The following ZNF562 variants were observed in gnomAD, a reference collection of about 807,000 sequenced individuals.
ZNF562 encodes the protein zinc finger protein 562.
In ZNF562, 13 loss-of-function variants were observed where a neutral mutation model predicts 17.5. The observed-to-expected ratio is 0.74, with a 90% CI of 0.48 to 1.18. The LOEUF (loss-of-function observed/expected upper bound fraction) is 1.18. Ranked by LOEUF, ZNF562 falls within the 50% of genes most tolerant of loss-of-function variation. The probability of loss-of-function intolerance (pLI) is 0.00; values close to 1 mark genes in which losing one functional copy is unlikely to be tolerated. For missense variants in ZNF562, 481 were observed against 498.5 expected, an observed-to-expected ratio of 0.96 and a Z score of 0.33; for synonymous variants, 163 against 165.4, an observed-to-expected ratio of 0.99 and a Z score of 0.11.
chr19:9,664,682 A>G (rs2043879234), intron 1 of ZNF562, among the ~76,000 whole-genome samples: 1 of 152,282 alleles, frequency 6.6e-6, no homozygotes, highest in Admixed American at 6.5e-5. Flanking sequence ...GCTCACACCT[A>G]TAATCCCAGC....
intron 3 of ZNF562, 72 bp from the exon 4 acceptor site, chr19:9,658,207 G>A (rs538436159): frequency 2.6e-5 from 40 of 1,535,146 alleles, no homozygotes; most frequent in Non-Finnish European, 3.3e-5. Context: ...AATGAGGAAA[G>A]GGGAACCTTA....
rs920635648 is a variant in ZNF562 at position 9,659,443 on chromosome 19, C to A, written c.50G>T (p.Cys17Phe). The A allele has an allele frequency of 1.3e-6, 2 of 1,551,374 alleles. No individual in the cohort carries two copies. The highest frequency in any genetic ancestry group is 1.7e-6 in the Non-Finnish European group (2 of 1,146,886). ...SHGFFPREPI[C>F]PFEEKTKIGT... Reference sequence around the variant, plus strand: ...TATCTTTGTCTTTTCTTCAAAAGGACAGATTGGTTCCCTGGGAAAAAACCC... The same window carrying A: ...TATCTTTGTCTTTTCTTCAAAAGGAAAGATTGGTTCCCTGGGAAAAAACCC... Residue 17 changes from cysteine to phenylalanine, a missense_variant, in exon 3 of 6, where the codon TGT (cysteine) becomes TTT (phenylalanine). Cys to Phe is a radical substitution (Grantham distance 205). This residue lies in a region of ZNF562 where 403 missense variants were observed against 386.4 expected (regional missense o/e 1.04). Coordinates refer to ENST00000453372, the MANE Select transcript of ZNF562 (RefSeq NM_001130031.2).
intron 1 of ZNF562, among the ~76,000 whole-genome samples, chr19:9,674,046 C>G (rs752846167): frequency 2.6e-5 from 4 of 152,198 alleles, no homozygotes; most frequent in Non-Finnish European, 2.9e-5. Context: ...GAGCACACAC[C>G]AGGACAAGGG....
At chr19:9,663,668 C>CT (rs1364552209) in intron 1 of ZNF562, among the ~76,000 whole-genome samples, 7 of 151,366 alleles carry the variant, frequency 4.6e-5, no homozygotes, top group Non-Finnish European at 7.4e-5. Flanking sequence ...AGCTATTGTT[C>CT]TTTTTTTTCT....
intron 2 of ZNF562, among the ~76,000 whole-genome samples, chr19:9,659,982 C>T (rs1387172087): frequency 1.1e-5 from 1 of 87,574 alleles, no homozygotes; most frequent in Admixed American, 1.7e-4. Context: ...AAAAAAACTA[C>T]AGGAGGCTGA....
intron 5 of ZNF562, among the ~76,000 whole-genome samples, chr19:9,654,435 C>T (rs1280860714): frequency 6.6e-6 from 1 of 152,206 alleles, no homozygotes; most frequent in Admixed American, 6.6e-5. Context: ...GGACTAGAGG[C>T]ATGCATCATC....
intron 2 of ZNF562, among the ~76,000 whole-genome samples, chr19:9,659,974 A>G (rs866507237): frequency 3.2e-4 from 39 of 123,540 alleles, no homozygotes; most frequent in Middle Eastern, 7.9e-3. Context: ...AAAAAAAAAA[A>G]AAAACTACAG....
rs572813794 is a variant in ZNF562 at position 9,646,327 on chromosome 19, C to T, written c.*6622G>A. On this transcript the variant is annotated 3_prime_UTR_variant, in exon 6 of 6. Transcript: ENST00000453372. The stretch of plus-strand genomic sequence containing the variant: ...CTCAGGTGATCACCTGCCTTGGCCT[C>T]CCAAAGTGCTGTGATTACAGACATC... 1 of 152,164 alleles carries T rather than the reference C, an allele frequency of 6.6e-6. No individual in the cohort carries two copies. Among genetic ancestry groups the T allele is most frequent in the South Asian group, 2.1e-4 (1 of 4,822 alleles). The allele number at this position is 152,164 out of a possible 1,614,324, so 9.4% of individuals were successfully genotyped here.
Position 9,647,356 on chromosome 19 carries a change from A to C in ZNF562, c.*5593T>G, listed in dbSNP as rs2074815000. On this transcript the variant is annotated 3_prime_UTR_variant, in exon 6 of 6. Coordinates refer to ENST00000453372, the MANE Select transcript of ZNF562 (RefSeq NM_001130031.2). ...CAGCCTCCCAAAGTGGTGGGATTAC[A>C]GGCATGAGCCACCACTCCCAGCCTG... 1 of 152,224 alleles carries C rather than the reference A, an allele frequency of 6.6e-6. No homozygotes were observed. Among genetic ancestry groups the C allele is most frequent in the Admixed American group, 6.6e-5 (1 of 15,252 alleles). The allele number at this position is 152,224 out of a possible 1,614,324, so 9.4% of individuals were successfully genotyped here. A position where few individuals can be genotyped will look rare whatever the true frequency, so the allele number is the denominator to read the frequency against.
chr19:9,651,229 G>A lies in ZNF562; in HGVS notation c.*1720C>T, dbSNP rs1228081798. On this transcript the variant is annotated 3_prime_UTR_variant, in exon 6 of 6. Coordinates refer to ENST00000453372, the MANE Select transcript of ZNF562 (RefSeq NM_001130031.2). ...AGGTTGGTAAGGGTTATTCTGGTGA[G>A]GTGTCATTGGGGAATGAGGAACATG... is the stretch of plus-strand genomic sequence containing the variant. 1 of 152,246 alleles carries A rather than the reference G, an allele frequency of 6.6e-6. No homozygotes were observed. Among genetic ancestry groups the A allele is most frequent in the African/African-American group, 2.4e-5 (1 of 41,562 alleles). The allele number at this position is 152,246 out of a possible 1,614,324, so 9.4% of individuals were successfully genotyped here.
At chr19:9,663,525 C>G (rs947626007) in intron 1 of ZNF562, among the ~76,000 whole-genome samples, 5 of 151,994 alleles carry the variant, frequency 3.3e-5, no homozygotes, top group African/African-American at 1.2e-4. Context: ...CTTCAAGGGT[C>G]CTGACATTCC....
intron 1 of ZNF562, among the ~76,000 whole-genome samples, chr19:9,674,435 A>C (rs1035749606): frequency 4.6e-5 from 7 of 152,160 alleles, no homozygotes; most frequent in African/African-American, 1.7e-4. Flanking sequence ...CAATCACTTG[A>C]ACCCGGGAGG....
chr19:9,658,204 A>G, intron 3 of ZNF562, 69 bp from the exon 4 acceptor site: 2 of 1,542,132 alleles, frequency 1.3e-6, no homozygotes, highest in Non-Finnish European at 1.8e-6. Context: ...GAGAATGAGG[A>G]AAGGGGAACC....
At chr19:9,656,292 G>A (rs866501732) in intron 5 of ZNF562, among the ~76,000 whole-genome samples, 6 of 152,130 alleles carry the variant, frequency 3.9e-5, no homozygotes, top group Non-Finnish European at 7.4e-5. Context: ...GATGGATCAC[G>A]AGGTCAGGAG....
chr19:9,657,140 TTAGA>T (rs1440736424), intron 4 of ZNF562, among the ~76,000 whole-genome samples: 3 of 151,528 alleles, frequency 2.0e-5, no homozygotes. Flanking sequence ...ACTGATGTGT[TTAGA>T]TAGTTTATAA....
At chr19:9,668,758 A>G (rs946763778) in intron 1 of ZNF562, among the ~76,000 whole-genome samples, 8 of 152,154 alleles carry the variant, frequency 5.3e-5, no homozygotes, top group African/African-American at 1.9e-4. Flanking sequence ...CTGACATAAA[A>G]AAAACAAACA....
intron 1 of ZNF562, among the ~76,000 whole-genome samples, chr19:9,669,311 A>G (rs1568280823): frequency 6.6e-6 from 1 of 152,206 alleles, no homozygotes; most frequent in East Asian, 1.9e-4. Flanking sequence ...ATGTTTCTCA[A>G]AAAAAAGACA....
chr19:9,657,761 C>G (rs1047833031), intron 4 of ZNF562, among the ~76,000 whole-genome samples: 1 of 151,962 alleles, frequency 6.6e-6, no homozygotes, highest in Non-Finnish European at 1.5e-5. Context: ...GTTAGCCAGG[C>G]TGGTCTTGAT....
rs546297501 is a variant in ZNF562, at chr19:9,673,351, G to A, written c.-131+1664C>T. Among the ~76,000 whole-genome samples the A allele has an allele frequency of 4.1e-4, 62 of 152,174 alleles. 1 individual carries two copies. The highest frequency in any genetic ancestry group is 1.4e-3 in the African/African-American group (58 of 41,530). On this transcript the variant is annotated intron_variant, in intron 1 of 5. Transcript: ENST00000453372. ...ACTCACCCTTCTATAGAAATAAATT[G>A]CGTTGCTGAGAAAACTTTTGCCTGA...
Sources: gnomAD v4.1 joint callset for allele counts (sites outside exome capture counted in the v4.1 genomes callset) on GRCh38, gnomAD v4.1.1 for gene constraint, gnomAD v4.1.1 regional missense constraint, MANE v1.5 for transcripts, NCBI Gene and HGNC (gene_info 2026-07-23, HGNC 2026-07-21) for gene names.